The following RBMXL1 variants were observed in gnomAD, a reference collection of about 807,000 sequenced individuals.
RBMXL1 encodes the protein RNA binding motif protein, X-linked-like-1.
RBMXL1 carries 18 observed loss-of-function variants against 29.0 expected under a neutral mutation model. That is an observed-to-expected ratio of 0.62 (90% confidence interval 0.43 to 0.92). The LOEUF is 0.92. Ranked by LOEUF, RBMXL1 falls within the 40% of genes least tolerant of loss-of-function variation. The pLI is 0.00. For synonymous variants in RBMXL1, 141 were observed against 170.4 expected, an observed-to-expected ratio of 0.83 and a Z score of 1.34; for missense variants, 403 against 495.8, an observed-to-expected ratio of 0.81 and a Z score of 1.78.
At chr1:88,990,294 A>C (rs1677708805) in intron 1 of RBMXL1, among the ~76,000 whole-genome samples, 1 of 142,352 alleles carries the variant, frequency 7.0e-6, no homozygotes, top group Non-Finnish European at 1.6e-5. Flanking sequence ...CAAACAAAAA[A>C]CACAAAAAAT....
intron 2 of RBMXL1, among the ~76,000 whole-genome samples, chr1:88,987,804 C>T (rs769796587): frequency 2.0e-5 from 3 of 152,164 alleles, no homozygotes; most frequent in Non-Finnish European, 4.4e-5. Flanking sequence ...ACATCTAATA[C>T]CCAGTCCACA....
At position 88,981,504 on chromosome 1, in the gene RBMXL1, T is replaced by C. The variant is rs1677088362; in HGVS notation, c.*1150A>G. On this transcript the variant is annotated 3_prime_UTR_variant, in exon 3 of 3. Coordinates refer to ENST00000652648, the MANE Select transcript of RBMXL1 (RefSeq NM_001162536.3). ...GGTCAATTACTTAAGTAACTACCAC[T>C]CACTCCCTAGTTATGAGTGTTAATC... 1.3e-5 allele frequency: 2 copies of C among 155,454 alleles called. No individual in the cohort carries two copies. The highest frequency in any genetic ancestry group is 2.9e-5 in the Non-Finnish European group (2 of 68,214). The allele number at this position is 155,454 out of a possible 1,614,324, so 9.6% of individuals were successfully genotyped here. A position where few individuals can be genotyped will look rare whatever the true frequency, so the allele number is the denominator to read the frequency against.
At chr1:88,989,854 A>T (rs1181191223) in intron 1 of RBMXL1, among the ~76,000 whole-genome samples, 4 of 152,208 alleles carry the variant, frequency 2.6e-5, no homozygotes, top group African/African-American at 9.7e-5. Context: ...TACCTCCATC[A>T]TGCAATGTAC....
chr1:88,990,373 T>C (rs1677718009), intron 1 of RBMXL1, among the ~76,000 whole-genome samples: 1 of 152,154 alleles, frequency 6.6e-6, no homozygotes, highest in Non-Finnish European at 1.5e-5. Flanking sequence ...CAATCTACGC[T>C]CCTCAACCCA....
At chr1:88,985,026 T>C (rs1461960820) in intron 2 of RBMXL1, among the ~76,000 whole-genome samples, 2 of 152,370 alleles carry the variant, frequency 1.3e-5, no homozygotes, top group South Asian at 2.1e-4. Context: ...TTAACCTTTT[T>C]CTGAAAATTA....
At position 88,984,064 on chromosome 1, in the gene RBMXL1, T is replaced by C. The variant is rs1053120206; in HGVS notation, c.-238A>G. On this transcript the variant is annotated splice_region_variant and 5_prime_UTR_variant, in exon 3 of 3. Transcript: ENST00000652648. ...GATGGCAGAGGAAAACAACAGAATG[T>C]TCCTGTAATGGTGGAAGAAATGAAA... 1 of 587,990 alleles carries C rather than the reference T, an allele frequency of 1.7e-6. No individual in the cohort carries two copies. The highest frequency in any genetic ancestry group is 3.1e-6 in the Non-Finnish European group (1 of 322,884). The allele number at this position is 587,990 out of a possible 1,614,324, so 36.4% of individuals were successfully genotyped here. A position where few individuals can be genotyped will look rare whatever the true frequency, so the allele number is the denominator to read the frequency against.
chr1:88,988,170 A>T, intron 2 of RBMXL1, 82 bp downstream of exon 2: 2 of 858,920 alleles, frequency 2.3e-6, no homozygotes, highest in Non-Finnish European at 3.7e-6. Flanking sequence ...AAGTATTTGT[A>T]AAAAAGCATC....
intron 1 of RBMXL1, among the ~76,000 whole-genome samples, chr1:88,990,739 G>T (rs541236547): frequency 1.7e-4 from 26 of 152,286 alleles, no homozygotes; most frequent in African/African-American, 6.0e-4. Flanking sequence ...TGGCTCTGAA[G>T]AAATCTAAGC....
intron 1 of RBMXL1, among the ~76,000 whole-genome samples, chr1:88,992,284 A>G (rs1008894238): frequency 1.1e-4 from 17 of 152,192 alleles, no homozygotes; most frequent in Admixed American, 7.9e-4. Context: ...TTTTTAAATT[A>G]AGAGTCCCAA....
rs547115222 is a variant in RBMXL1 at position 88,991,851 on chromosome 1, G to A, written c.-341+734C>T. Among the ~76,000 whole-genome samples, 6 of 152,370 alleles carry A rather than the reference G, an allele frequency of 3.9e-5. No homozygotes were observed. The East Asian group carries it at 1.2e-3, about 29-fold the overall frequency. On this transcript the variant is annotated intron_variant, in intron 1 of 2. Transcript: ENST00000652648. Reference sequence around the variant, plus strand: ...GGTGGCCGCCAAGGAGCCACGCGTGGGCGAAGCGAAGGAAGGATTTCTGCG... The same window carrying A: ...GGTGGCCGCCAAGGAGCCACGCGTGAGCGAAGCGAAGGAAGGATTTCTGCG...
Position 88,980,810 on chromosome 1 carries a change from GAATATGGA to G in RBMXL1, c.*1836_*1843del, listed in dbSNP as rs1677044792. On this transcript the variant is annotated 3_prime_UTR_variant, in exon 3 of 3. Coordinates refer to ENST00000652648, the MANE Select transcript of RBMXL1 (RefSeq NM_001162536.3). ...GAAGCTTTAACCCAAGTAATCATAA[GAATATGGA>G]AGGATTCGGCTAAGACAACTATGGA... The G allele has an allele frequency of 6.6e-6, 1 of 152,110 alleles. No individual in the cohort carries two copies. The highest frequency in any genetic ancestry group is 2.1e-4 in the South Asian group (1 of 4,828). 9.4% of individuals were successfully genotyped at this position (152,110 alleles called of 1,614,324 possible). A position where few individuals can be genotyped will look rare whatever the true frequency, so the allele number is the denominator to read the frequency against.
chr1:88,982,445 A>C lies in RBMXL1; in HGVS notation c.*209T>G. On this transcript the variant is annotated 3_prime_UTR_variant, in exon 3 of 3. Coordinates refer to ENST00000652648, the MANE Select transcript of RBMXL1 (RefSeq NM_001162536.3). The stretch of plus-strand genomic sequence containing the variant: ...ACACATTTAACATTTGCTTGTTGAA[A>C]AGCAATGTCATAAAGTCAAATAAAA... 9.9e-7 allele frequency: 1 copy of C among 1,012,266 alleles called. No homozygotes were observed. Among genetic ancestry groups the C allele is most frequent in the South Asian group, 1.9e-5 (1 of 53,810 alleles). 62.7% of individuals were successfully genotyped at this position (1,012,266 alleles called of 1,614,324 possible).
rs1046909685 is a variant in RBMXL1 at position 88,983,075 on chromosome 1, G to C, written c.752C>G (p.Ser251Ter). 5.0e-6 allele frequency: 8 copies of C among 1,612,428 alleles called. No individual in the cohort carries two copies. The highest frequency in any genetic ancestry group is 6.8e-6 in the Non-Finnish European group (8 of 1,180,010). The change falls in exon 3 of 3, where the codon TCA becomes TGA. Residue 251 changes from serine (S) to a stop codon, truncating the protein, a stop_gained. Coordinates refer to ENST00000652648, the MANE Select transcript of RBMXL1 (RefSeq NM_001162536.3). LOFTEE classifies it high-confidence loss of function. ...YTYRDYGHSSSRDDYPSRGYG... is the reference protein window; with the variant it reads ...YTYRDYGHSS ...GCCTCTTGATGGATAGTCATCACGT[G>C]AACTGGAATGACCATAATCACGGTA...
In RBMXL1 at chr1:88,981,666, C is replaced by A; in HGVS notation, c.*988G>T. On this transcript the variant is annotated 3_prime_UTR_variant, in exon 3 of 3. Transcript: ENST00000652648. ...TCAGCCGCCTTCTGCTTCAACAACT[C>A]TTAGCATTTGATTTCTCTTACTGCC... The A allele has an allele frequency of 5.7e-6, 1 of 176,900 alleles. No individual in the cohort carries two copies. Among genetic ancestry groups the A allele is most frequent in the South Asian group, 1.6e-4 (1 of 6,130 alleles). 11.0% of individuals were successfully genotyped at this position (176,900 alleles called of 1,614,324 possible). A position where few individuals can be genotyped will look rare whatever the true frequency, so the allele number is the denominator to read the frequency against.
intron 1 of RBMXL1, among the ~76,000 whole-genome samples, chr1:88,989,546 C>A (rs1677666655): frequency 6.6e-6 from 1 of 152,100 alleles, no homozygotes; most frequent in Admixed American, 6.5e-5. Flanking sequence ...GCAGCTGTCC[C>A]AAAAGACACA....
chr1:88,988,459 T>A (rs1313463939), intron 1 of RBMXL1, 108 bp from the exon 2 acceptor site: 2 of 586,618 alleles, frequency 3.4e-6, no homozygotes, highest in East Asian at 6.0e-5. Context: ...AAAATCCAAG[T>A]AAACATTTTT....
At chr1:88,985,305 C>G (rs1200143973) in intron 2 of RBMXL1, among the ~76,000 whole-genome samples, 1 of 152,192 alleles carries the variant, frequency 6.6e-6, no homozygotes, top group Non-Finnish European at 1.5e-5. Context: ...TGTGTAATCT[C>G]AGCTCCCCCA....
intron 2 of RBMXL1, among the ~76,000 whole-genome samples, chr1:88,986,181 GA>G (rs200114549): frequency 0.23 from 31,426 of 138,298 alleles, 4,161 homozygotes; most frequent in East Asian, 0.32. Context: ...GAGACTGTAT[GA>G]AAAAAAAAAA....
At chr1:88,989,210 C>T (rs191636896) in intron 1 of RBMXL1, among the ~76,000 whole-genome samples, 71 of 152,226 alleles carry the variant, frequency 4.7e-4, no homozygotes, top group Middle Eastern at 3.4e-3. Flanking sequence ...AAAAAGAGAC[C>T]TAATCTATGG....
Sources: gnomAD v4.1 joint callset for allele counts (sites outside exome capture counted in the v4.1 genomes callset) on GRCh38, gnomAD v4.1.1 for gene constraint, MANE v1.5 for transcripts, NCBI Gene and HGNC (gene_info 2026-07-23, HGNC 2026-07-21) for gene names.